TASP1: variants seen among roughly 807,000 people sequenced by gnomAD.
TASP1 encodes the protein threonine aspartase 1.
TASP1 carries 16 observed loss-of-function variants against 56.6 expected under a neutral mutation model. The observed-to-expected ratio is 0.28, with a 90% CI of 0.19 to 0.43. The LOEUF (loss-of-function observed/expected upper bound fraction) is 0.43, where lower values mean the gene tolerates loss of function less well. Ranked by LOEUF, TASP1 falls within the 20% of genes least tolerant of loss-of-function variation. The pLI, the probability that TASP1 is intolerant of heterozygous loss-of-function variation, is 1.00. For missense variants in TASP1, 393 were observed against 511.6 expected (o/e 0.77, Z 2.24); for synonymous variants, 179 against 184.2 (o/e 0.97, Z 0.23).
the TASP1 span, among the ~76,000 whole-genome samples, chr20:13,149,583 A>C: frequency 3.3e-5 from 5 of 152,362 alleles, no homozygotes; most frequent in South Asian, 1.0e-3. Context: ...ATTTGTAGTA[A>C]CCTATATGAG....
At chr20:13,602,046 T>C (rs895442468) in intron 4 of TASP1, among the ~76,000 whole-genome samples, 6 of 151,860 alleles carry the variant, frequency 4.0e-5, no homozygotes, top group Admixed American at 3.9e-4. Context: ...CCAGCTAATT[T>C]TTTTGTATTT....
At chr20:13,464,086 G>A (rs2044158775) in intron 11 of TASP1, among the ~76,000 whole-genome samples, 1 of 152,146 alleles carries the variant, frequency 6.6e-6, no homozygotes, top group Admixed American at 6.6e-5. Flanking sequence ...AGCCAAAGGT[G>A]TTATTCACAA....
At chr20:13,144,520 C>T in the TASP1 span, among the ~76,000 whole-genome samples, 1 of 152,150 alleles carries the variant, frequency 6.6e-6, no homozygotes. Context: ...GCAGATAGAA[C>T]CTAACGCACA....
chr20:13,118,610 T>C, the TASP1 span, among the ~76,000 whole-genome samples: 12 of 152,276 alleles, frequency 7.9e-5, no homozygotes, highest in Admixed American at 7.2e-4. Context: ...CTGACACCTA[T>C]CTCAGACAAA....
intron 1 of TASP1, among the ~76,000 whole-genome samples, chr20:13,631,161 T>G (rs879387322): frequency 6.6e-6 from 1 of 152,136 alleles, no homozygotes; most frequent in Admixed American, 6.5e-5. Context: ...TTCCCTTAAT[T>G]CTTGGTTTAA....
chr20:13,588,645 T>A lies in TASP1; in HGVS notation c.283-1275A>T, dbSNP rs577975832. Among the ~76,000 whole-genome samples, 48 of 152,258 alleles carry A rather than the reference T, an allele frequency of 3.2e-4. 1 individual carries two copies. The highest frequency in any genetic ancestry group is 2.9e-3 in the Admixed American group (44 of 15,290). On this transcript the variant is annotated intron_variant, in intron 4 of 13. Coordinates refer to ENST00000337743, the MANE Select transcript of TASP1 (RefSeq NM_017714.3). ...TGTATGCTAAAAACTGTAAAACACA[T>A]TGAAAAAATTTTTAATTCAATACCT...
chr20:13,173,666 G>A, the TASP1 span, among the ~76,000 whole-genome samples: 1 of 152,064 alleles, frequency 6.6e-6, no homozygotes, highest in Non-Finnish European at 1.5e-5. Flanking sequence ...GAAAACAGAG[G>A]TGATAGGTTT....
intron 13 of TASP1, among the ~76,000 whole-genome samples, chr20:13,412,275 T>C (rs1015837952): frequency 6.6e-6 from 1 of 152,184 alleles, no homozygotes; most frequent in Admixed American, 6.5e-5. Flanking sequence ...CTGATTTGTC[T>C]TTATATACCT....
chr20:13,520,525 C>A (rs774419435), intron 10 of TASP1, among the ~76,000 whole-genome samples: 2 of 151,976 alleles, frequency 1.3e-5, no homozygotes, highest in African/African-American at 4.8e-5. Context: ...AATGGGGAAA[C>A]GATTCCCTAT....
intron 11 of TASP1, among the ~76,000 whole-genome samples, chr20:13,455,632 A>T (rs1308000646): frequency 2.0e-5 from 3 of 152,142 alleles, no homozygotes; most frequent in Non-Finnish European, 4.4e-5. Flanking sequence ...GAGACGAGAC[A>T]ATGTTGAAGA....
At chr20:13,126,534 C>A in the TASP1 span, 3 of 1,596,546 alleles carry the variant, frequency 1.9e-6, no homozygotes, top group Non-Finnish European at 2.6e-6. Context: ...ATGTAATTCC[C>A]ACCACCAGTG....
chr20:13,501,528 A>C (rs1032135102), intron 10 of TASP1, among the ~76,000 whole-genome samples: 5 of 152,058 alleles, frequency 3.3e-5, no homozygotes, highest in African/African-American at 9.6e-5. Flanking sequence ...TTAATGATGT[A>C]TATTATAATT....
At chr20:13,259,474 G>A in the TASP1 span, among the ~76,000 whole-genome samples, 4 of 152,028 alleles carry the variant, frequency 2.6e-5, no homozygotes, top group African/African-American at 9.7e-5. Flanking sequence ...TTAAAAATGT[G>A]AATCTCATAC....
At chr20:13,530,459 C>A (rs1386192933) in intron 9 of TASP1, among the ~76,000 whole-genome samples, 1 of 152,186 alleles carries the variant, frequency 6.6e-6, no homozygotes, top group Non-Finnish European at 1.5e-5. Context: ...AACTATTCAA[C>A]TGGTACTCCC....
chr20:13,437,916 T>C (rs2043067184), intron 11 of TASP1, among the ~76,000 whole-genome samples: 1 of 152,142 alleles, frequency 6.6e-6, no homozygotes, highest in South Asian at 2.1e-4. Context: ...ATCAATATCA[T>C]GAAAATGGCC....
intron 10 of TASP1, among the ~76,000 whole-genome samples, chr20:13,521,067 CAAT>C (rs2044732312): frequency 6.6e-6 from 1 of 152,152 alleles, no homozygotes; most frequent in African/African-American, 2.4e-5. Flanking sequence ...ATCAAAACCA[CAAT>C]GAGATACCAT....
chr20:13,576,394 A>AAAGAAAGT lies in TASP1; in HGVS notation c.488+4502_488+4503insACTTTCTT, dbSNP rs774830810. 4.3e-3 allele frequency among the ~76,000 whole-genome samples: 640 copies of AAAGAAAGT among 147,180 alleles called. 2 individuals are homozygous for AAAGAAAGT. The highest frequency in any genetic ancestry group is 8.4e-3 in the Admixed American group (125 of 14,950). On this transcript the variant is annotated intron_variant, in intron 6 of 13. Transcript: ENST00000337743. ...GAAAGAAAGAAAGAAAGAAAGAAAG[A>AAAGAAAGT]AAGTCAGTCTTATGGAATCTATAAA... is the stretch of plus-strand genomic sequence containing the variant.
the TASP1 span, among the ~76,000 whole-genome samples, chr20:13,183,361 A>G: frequency 6.6e-6 from 1 of 152,224 alleles, no homozygotes; most frequent in East Asian, 1.9e-4. Flanking sequence ...CAGAATTGTA[A>G]GAAGGATTAA....
At chr20:13,434,944 C>A in intron 12 of TASP1, 100 bp downstream of exon 12, 1 of 752,010 alleles carries the variant, frequency 1.3e-6, no homozygotes, top group Non-Finnish European at 2.1e-6. Context: ...CATGCTGACC[C>A]TCCCGCAGTT....
Sources: gnomAD v4.1 joint callset for allele counts (sites outside exome capture counted in the v4.1 genomes callset) on GRCh38, gnomAD v4.1.1 for gene constraint, MANE v1.5 for transcripts, NCBI Gene and HGNC (gene_info 2026-07-23, HGNC 2026-07-21) for gene names.